The following SGCD variants were observed in gnomAD, a reference collection of about 807,000 sequenced individuals.
The protein encoded by SGCD is delta-sarcoglycan.
SGCD carries 18 observed loss-of-function variants against 36.6 expected under a neutral mutation model. The observed-to-expected ratio is 0.49, with a 90% CI of 0.34 to 0.73. The LOEUF is 0.73. SGCD is among the 30% of genes least tolerant of loss of function. SGCD has a pLI of 0.01. For missense variants in SGCD, 387 were observed against 346.7 expected (o/e 1.12, Z -0.92); for synonymous variants, 133 against 130.6 (o/e 1.02, Z -0.12).
chr5:156,361,035 A>G (rs1290945889), intron 3 of SGCD, among the ~76,000 whole-genome samples: 3 of 152,204 alleles, frequency 2.0e-5, no homozygotes, highest in Admixed American at 1.3e-4. Flanking sequence ...AACTAAGAGA[A>G]TACTGTAATG....
chr5:156,333,211 A>G (rs755657325), intron 2 of SGCD, among the ~76,000 whole-genome samples: 4 of 152,202 alleles, frequency 2.6e-5, no homozygotes, highest in Non-Finnish European at 4.4e-5. Flanking sequence ...ATCAATTCTA[A>G]TTTTATGAAA....
chr5:156,105,986 C>G (rs915732496), intron 1 of SGCD, among the ~76,000 whole-genome samples: 1 of 151,664 alleles, frequency 6.6e-6, no homozygotes, highest in African/African-American at 2.4e-5. Flanking sequence ...TGACAAGCGC[C>G]TGTAATCCCA....
intron 1 of SGCD, among the ~76,000 whole-genome samples, chr5:155,961,933 G>T (rs1337223841): frequency 6.6e-6 from 1 of 152,050 alleles, no homozygotes; most frequent in East Asian, 1.9e-4. Flanking sequence ...TGATAAAGGG[G>T]ATTAAGCAAA....
chr5:156,356,733 G>C (rs1438538506), intron 3 of SGCD, among the ~76,000 whole-genome samples: 1 of 152,124 alleles, frequency 6.6e-6, no homozygotes, highest in Non-Finnish European at 1.5e-5. Context: ...TTTGGAAAAA[G>C]GGTCTCATCT....
chr5:156,110,277 T>A (rs923414427), intron 1 of SGCD, among the ~76,000 whole-genome samples: 1 of 152,186 alleles, frequency 6.6e-6, no homozygotes, highest in African/African-American at 2.4e-5. Flanking sequence ...TCAATACATA[T>A]GAATAGGAGT....
chr5:156,469,835 G>A (rs1267231343), intron 3 of SGCD, among the ~76,000 whole-genome samples: 1 of 152,188 alleles, frequency 6.6e-6, no homozygotes, highest in Non-Finnish European at 1.5e-5. Context: ...GTTTGACTCA[G>A]CTATGAGAAG....
intron 1 of SGCD, among the ~76,000 whole-genome samples, chr5:155,944,300 G>A (rs6865706): frequency 0.035 from 5,300 of 152,196 alleles, 338 homozygotes; most frequent in African/African-American, 0.12. Flanking sequence ...AAGTAAATGT[G>A]TATATATGTA....
chr5:155,811,753 A>G, the SGCD span, among the ~76,000 whole-genome samples: 1 of 152,166 alleles, frequency 6.6e-6, no homozygotes, highest in African/African-American at 2.4e-5. Context: ...CTGGTTTCGC[A>G]GTGTCAATAA....
At chr5:156,737,918 C>A (rs1756457881) in intron 7 of SGCD, among the ~76,000 whole-genome samples, 1 of 152,168 alleles carries the variant, frequency 6.6e-6, no homozygotes, top group Non-Finnish European at 1.5e-5. Flanking sequence ...TCCTCCTAAT[C>A]CAGAGCTCCT....
intron 3 of SGCD, among the ~76,000 whole-genome samples, chr5:156,186,697 T>C (rs1166456420): frequency 1.3e-5 from 2 of 152,198 alleles, no homozygotes; most frequent in East Asian, 3.8e-4. Flanking sequence ...TTCTCTGCTG[T>C]CCTGTGTCTC....
intron 1 of SGCD, among the ~76,000 whole-genome samples, chr5:156,328,216 AC>A (rs1223435462): frequency 6.6e-6 from 1 of 152,236 alleles, no homozygotes; most frequent in Non-Finnish European, 1.5e-5. Flanking sequence ...TGTTTTATGT[AC>A]AGCATTTAGA....
chr5:155,899,444 A>G (rs1194232180), intron 1 of SGCD, among the ~76,000 whole-genome samples: 2 of 152,186 alleles, frequency 1.3e-5, no homozygotes, highest in Non-Finnish European at 2.9e-5. Context: ...AAAATCCTCT[A>G]TTTTTAGAAA....
chr5:155,741,245 A>G, the SGCD span, among the ~76,000 whole-genome samples: 1 of 152,192 alleles, frequency 6.6e-6, no homozygotes, highest in Non-Finnish European at 1.5e-5. Flanking sequence ...CCAGGTAGCA[A>G]GCTTCAGAGA....
chr5:155,924,156 A>G (rs184455052), intron 1 of SGCD, among the ~76,000 whole-genome samples: 1 of 152,346 alleles, frequency 6.6e-6, no homozygotes, highest in East Asian at 1.9e-4. Flanking sequence ...ATATAGAAAG[A>G]AAACATAGTT....
chr5:156,426,775 T>C (rs1406762431), intron 3 of SGCD, among the ~76,000 whole-genome samples: 3 of 151,628 alleles, frequency 2.0e-5, no homozygotes, highest in African/African-American at 7.2e-5. Context: ...ATTCTTCTAC[T>C]TGTGGCTTGT....
intron 3 of SGCD, among the ~76,000 whole-genome samples, chr5:156,507,408 G>A (rs552525701): frequency 6.6e-6 from 1 of 152,202 alleles, no homozygotes; most frequent in African/African-American, 2.4e-5. Flanking sequence ...AAAGGACATA[G>A]CCCTTCTGAC....
intron 3 of SGCD, among the ~76,000 whole-genome samples, chr5:156,244,127 A>G (rs971130452): frequency 1.1e-4 from 16 of 152,228 alleles, no homozygotes; most frequent in African/African-American, 3.9e-4. Flanking sequence ...GAAGAGCACA[A>G]CATCACTTCT....
At chr5:156,231,126 A>G (rs1765004607) in intron 3 of SGCD, among the ~76,000 whole-genome samples, 3 of 152,322 alleles carry the variant, frequency 2.0e-5, no homozygotes, top group South Asian at 4.1e-4. Context: ...AAGGAGAAAA[A>G]TCTAGTTGGG....
At chr5:155,984,471 A>G (rs1581027045) in intron 1 of SGCD, among the ~76,000 whole-genome samples, 1 of 152,238 alleles carries the variant, frequency 6.6e-6, no homozygotes, top group African/African-American at 2.4e-5. Context: ...GACCGTTTCT[A>G]TAATCATTAA....
Sources: gnomAD v4.1 joint callset for allele counts (sites outside exome capture counted in the v4.1 genomes callset) on GRCh38, gnomAD v4.1.1 for gene constraint, MANE v1.5 for transcripts, NCBI Gene and HGNC (gene_info 2026-07-23, HGNC 2026-07-21) for gene names.